The following QTGAL variants were observed in gnomAD, a reference collection of about 807,000 sequenced individuals.
QTGAL encodes the protein queuosine-tRNA galactosyltransferase.
At chr17:82,990,253 C>A in the QTGAL span, among the ~76,000 whole-genome samples, 1 of 152,230 alleles carries the variant, frequency 6.6e-6, no homozygotes. Context: ...TCTTATCCTA[C>A]TATACACACA....
At chr17:83,019,066 G>T in the QTGAL span, among the ~76,000 whole-genome samples, 1 of 152,190 alleles carries the variant, frequency 6.6e-6, no homozygotes, top group African/African-American at 2.4e-5. Flanking sequence ...GGAGACGCAC[G>T]ATGACGCCGC....
At chr17:82,957,225 C>T in the QTGAL span, 12 of 1,614,186 alleles carry the variant, frequency 7.4e-6, no homozygotes, top group East Asian at 4.5e-5. Flanking sequence ...ATCTTGTTCT[C>T]GTCCACGTCA....
the QTGAL span, chr17:82,965,661 T>C: frequency 6.2e-7 from 1 of 1,609,166 alleles, no homozygotes; most frequent in Non-Finnish European, 8.5e-7. Flanking sequence ...CTGACCTCCC[T>C]CGTTAAAGGG....
the QTGAL span, among the ~76,000 whole-genome samples, chr17:83,025,002 C>T: frequency 6.6e-6 from 1 of 152,356 alleles, no homozygotes; most frequent in South Asian, 2.1e-4. Flanking sequence ...GGGACCTAGT[C>T]AAAGGGCATG....
At chr17:82,957,065 C>T in the QTGAL span, 296 of 1,426,816 alleles carry the variant, frequency 2.1e-4, 4 homozygotes, top group East Asian at 6.1e-3. Flanking sequence ...CTGGAGGCCC[C>T]GAGGAGCCAG....
At chr17:83,005,436 C>A in the QTGAL span, 1 of 621,258 alleles carries the variant, frequency 1.6e-6, no homozygotes. This position sits in a 1 kb window ranked among gnomAD's most constrained non-coding sequence, Gnocchi z 5.6. Flanking sequence ...CGACAGAAGA[C>A]GGCCCTGGAC....
the QTGAL span, among the ~76,000 whole-genome samples, chr17:83,049,799 C>G: frequency 5.9e-4 from 90 of 152,178 alleles, no homozygotes; most frequent in East Asian, 0.015. Flanking sequence ...TCTCATTGTC[C>G]TTTTCTCATG....
the QTGAL span, among the ~76,000 whole-genome samples, chr17:83,049,932 G>T: frequency 6.6e-6 from 1 of 152,140 alleles, no homozygotes; most frequent in Non-Finnish European, 1.5e-5. Context: ...GTGATACGGA[G>T]CGATACTTAA....
At chr17:82,999,138 C>T in the QTGAL span, among the ~76,000 whole-genome samples, 1 of 152,112 alleles carries the variant, frequency 6.6e-6, no homozygotes, top group Non-Finnish European at 1.5e-5. Flanking sequence ...TAAGTATTTT[C>T]CCAAGAGAAA....
the QTGAL span, among the ~76,000 whole-genome samples, chr17:83,044,838 C>T: frequency 2.6e-5 from 4 of 151,838 alleles, no homozygotes; most frequent in Non-Finnish European, 5.9e-5. Context: ...CCCAGCTGCT[C>T]GGGAGGCTGA....
the QTGAL span, among the ~76,000 whole-genome samples, chr17:82,962,488 C>G: frequency 7.0e-6 from 1 of 143,466 alleles, no homozygotes; most frequent in Non-Finnish European, 1.6e-5. Context: ...CTGGTGGACA[C>G]GGACCCTCAC....
chr17:82,955,178 T>C, the QTGAL span, among the ~76,000 whole-genome samples: 1 of 152,030 alleles, frequency 6.6e-6, no homozygotes, highest in Non-Finnish European at 1.5e-5. Flanking sequence ...ATCATCAGAG[T>C]GAACAGGCAG....
chr17:82,995,573 G>A, the QTGAL span, among the ~76,000 whole-genome samples: 9,029 of 151,952 alleles, frequency 0.059, 322 homozygotes, highest in South Asian at 0.088. Flanking sequence ...AAGTAGAGAC[G>A]GGGTTTCGCT....
the QTGAL span, among the ~76,000 whole-genome samples, chr17:82,977,868 C>T: frequency 6.6e-6 from 1 of 152,182 alleles, no homozygotes; most frequent in African/African-American, 2.4e-5. Context: ...TCTAGTACTT[C>T]CTGCGGTTTC....
At chr17:83,042,347 A>C in the QTGAL span, among the ~76,000 whole-genome samples, 5 of 152,222 alleles carry the variant, frequency 3.3e-5, no homozygotes, top group African/African-American at 1.2e-4. Flanking sequence ...AGCCTGGGTG[A>C]TGGAGTGAGC....
chr17:82,962,844 AGCCGCTCCCGGGTGGT>A, the QTGAL span, among the ~76,000 whole-genome samples: 1 of 152,162 alleles, frequency 6.6e-6, no homozygotes, highest in African/African-American at 2.4e-5. Context: ...TTTAGTCAAC[AGCCGCTCCCGGGTGGT>A]GCCTCTGCCC....
At chr17:83,016,969 C>T in the QTGAL span, among the ~76,000 whole-genome samples, 6 of 152,218 alleles carry the variant, frequency 3.9e-5, no homozygotes, top group Non-Finnish European at 8.8e-5. Flanking sequence ...GCCCCAAGCC[C>T]AGGCTAAATG....
At chr17:82,949,244 A>G in the QTGAL span, 1 of 152,234 alleles carries the variant, frequency 6.6e-6, no homozygotes, top group African/African-American at 2.4e-5. Flanking sequence ...TTTAGAATTT[A>G]TTCCACACAG....
chr17:82,986,228 G>A, the QTGAL span, among the ~76,000 whole-genome samples: 2 of 152,204 alleles, frequency 1.3e-5, no homozygotes, highest in African/African-American at 4.8e-5. Flanking sequence ...GGTGCAGACA[G>A]GAAATAGCTG....
Sources: allele counts gnomAD v4.1 joint callset (sites outside exome capture counted in the v4.1 genomes callset), GRCh38; gene constraint gnomAD v4.1.1; non-coding constraint Gnocchi (gnomAD v3.1); transcripts MANE v1.5; gene names NCBI Gene and HGNC (gene_info 2026-07-23, HGNC 2026-07-21).